Variants in WAPL observed in about 807,000 individuals in gnomAD.
WAPL encodes WAPL cohesin release factor.
In WAPL, 5 loss-of-function variants were observed where a neutral mutation model predicts 121.0. That is an observed-to-expected ratio of 0.04 (90% CI 0.02 to 0.09). The LOEUF is 0.09. Ranked by LOEUF, WAPL falls within the 10% of genes least tolerant of loss-of-function variation. The pLI, the probability that WAPL is intolerant of heterozygous loss-of-function variation, is 1.00. For missense variants in WAPL, 999 were observed against 1,410.8 expected, an observed-to-expected ratio of 0.71 and a Z score of 4.68; for synonymous variants, 480 against 481.5, an observed-to-expected ratio of 1.00 and a Z score of 0.04.
At chr10:86,483,117 C>T (rs531767146) in intron 4 of WAPL, among the ~76,000 whole-genome samples, 2 of 152,208 alleles carry the variant, frequency 1.3e-5, no homozygotes, top group East Asian at 3.9e-4. Flanking sequence ...GCTGCCAGTC[C>T]TATAAGGGTA....
chr10:86,517,449 A>G (rs1842577913), intron 2 of WAPL, 122 bp downstream of exon 2: 3 of 1,337,898 alleles, frequency 2.2e-6, no homozygotes, highest in African/African-American at 2.9e-5. Flanking sequence ...AAAACTATCA[A>G]TGGTCCCCAT....
At chr10:86,508,629 T>C (rs1056095522) in intron 2 of WAPL, among the ~76,000 whole-genome samples, 1 of 152,214 alleles carries the variant, frequency 6.6e-6, no homozygotes, top group African/African-American at 2.4e-5. Context: ...CAATACTTTC[T>C]GAAATACTTT....
intron 2 of WAPL, among the ~76,000 whole-genome samples, chr10:86,511,925 A>C (rs1267940189): frequency 6.6e-6 from 1 of 152,152 alleles, no homozygotes; most frequent in East Asian, 1.9e-4. Context: ...TCTCCAAAAA[A>C]TAAAAATAAA....
chr10:86,452,206 T>C, intron 14 of WAPL, 75 bp from the exon 15 acceptor site: 3 of 1,407,222 alleles, frequency 2.1e-6, no homozygotes, highest in Non-Finnish European at 2.9e-6. Context: ...ACACAATTTT[T>C]AATGGCAACT....
intron 17 of WAPL, among the ~76,000 whole-genome samples, chr10:86,442,665 T>TA (rs1849498171): frequency 1.3e-5 from 2 of 152,270 alleles, no homozygotes; most frequent in South Asian, 4.1e-4. Flanking sequence ...GATTAGCATG[T>TA]AAAAAATGCT....
At chr10:86,517,461 T>C in intron 2 of WAPL, 110 bp downstream of exon 2, 1 of 1,386,372 alleles carries the variant, frequency 7.2e-7, no homozygotes, top group Non-Finnish European at 9.5e-7. Context: ...GGTCCCCATG[T>C]ATCATAAGTG....
chr10:86,469,116 A>G (rs1489687234), intron 8 of WAPL, among the ~76,000 whole-genome samples: 1 of 151,830 alleles, frequency 6.6e-6, no homozygotes, highest in Non-Finnish European at 1.5e-5. Context: ...TAAATAAAAT[A>G]AAATAAAATA....
intron 16 of WAPL, chr10:86,443,717 A>C (rs1418065518): frequency 1.0e-5 from 2 of 193,570 alleles, no homozygotes; most frequent in South Asian, 1.1e-4. Flanking sequence ...CAACAAAAAC[A>C]ACCCAATTAA....
intron 17 of WAPL, among the ~76,000 whole-genome samples, chr10:86,442,083 G>C (rs1173855204): frequency 6.6e-6 from 1 of 152,168 alleles, no homozygotes; most frequent in African/African-American, 2.4e-5. Context: ...CTGAAGTGCA[G>C]TGGCACGATC....
At chr10:86,459,115 A>G (rs1841214230) in intron 11 of WAPL, 50 bp from the exon 12 acceptor site, 2 of 1,450,558 alleles carry the variant, frequency 1.4e-6, no homozygotes, top group African/African-American at 2.8e-5. Context: ...ACTTTCATTC[A>G]TTCATGTAAC....
chr10:86,472,048 AT>A lies in WAPL; in HGVS notation c.2030+159del, dbSNP rs760013773. ...TTTCCCTCTTATCATGCAGAATCAA[AT>A]TCTTTATAAAGAAATGGATAGCATT... On this transcript the variant is annotated intron_variant, in intron 7 of 18. Coordinates refer to ENST00000298767, the MANE Select transcript of WAPL (RefSeq NM_015045.5). This position sits in a 1 kb window ranked among gnomAD's most constrained non-coding sequence, Gnocchi z 4.2. Among the ~76,000 whole-genome samples, 1 of 152,098 alleles carries A rather than the reference AT, an allele frequency of 6.6e-6. No homozygotes were observed. The highest frequency in any genetic ancestry group is 1.5e-5 in the Non-Finnish European group (1 of 68,018).
At chr10:86,461,769 TACA>T (rs1005998320) in intron 9 of WAPL, among the ~76,000 whole-genome samples, 27 of 152,250 alleles carry the variant, frequency 1.8e-4, no homozygotes, top group East Asian at 5.8e-4. Context: ...TTTGTATTTT[TACA>T]ACGACAGTAA....
rs566781313 is a variant in WAPL, at chr10:86,486,099, A to C, written c.1644+11102T>G. Among the ~76,000 whole-genome samples, 11 of 152,316 alleles carry C rather than the reference A, an allele frequency of 7.2e-5. No homozygotes were observed. In the South Asian group the frequency reaches 2.1e-3, roughly 29 times the overall value. ...ACAGTCATTCTTTTTTTCAGGCTTC[A>C]TATCAATTAATATATCAGGTTTCTA... On this transcript the variant is annotated intron_variant, in intron 4 of 18. Transcript: ENST00000298767.
Position 86,436,450 on chromosome 10 carries a change from T to A in WAPL, c.*1093A>T, listed in dbSNP as rs1311250548. 2.0e-5 allele frequency: 3 copies of A among 152,446 alleles called. No homozygotes were observed. Among genetic ancestry groups the A allele is most frequent in the African/African-American group, 7.2e-5 (3 of 41,384 alleles). The allele number at this position is 152,446 out of a possible 1,614,324, so 9.4% of individuals were successfully genotyped here. Reference sequence around the variant, plus strand: ...AAGAAAAATTTGCAATGTTATGATATTAAATCTATAAAATGTTTTGTGTTC... The same window carrying A: ...AAGAAAAATTTGCAATGTTATGATAATAAATCTATAAAATGTTTTGTGTTC... On this transcript the variant is annotated 3_prime_UTR_variant, in exon 19 of 19. Transcript: ENST00000298767.
chr10:86,477,098 T>G (rs924802481), intron 4 of WAPL, among the ~76,000 whole-genome samples: 1 of 152,136 alleles, frequency 6.6e-6, no homozygotes, highest in Non-Finnish European at 1.5e-5. Context: ...TAATATAGGG[T>G]TTATTATGGG....
chr10:86,500,059 G>T lies in WAPL; in HGVS notation c.1184C>A (p.Ala395Asp), dbSNP rs756384342. ...ATCTGCCTTTTTTCTGAGACGACCA[G>T]CTTCTCCCAAATCTGCAGGAGTGGA... ...TASTPADLGE[A>D]GRLRKKADIA... The change falls in exon 3 of 19, where the codon GCT becomes GAT. Residue 395 changes from alanine (A) to aspartate (D), a missense_variant. By Grantham distance (126) the Ala-to-Asp change is moderately radical. This residue lies in a region of WAPL where 531 missense variants were observed against 563.1 expected (regional missense o/e 0.94). Coordinates refer to ENST00000298767, the MANE Select transcript of WAPL (RefSeq NM_015045.5). 1 of 1,614,144 alleles carries T rather than the reference G, an allele frequency of 6.2e-7. No homozygotes were observed. Among genetic ancestry groups the T allele is most frequent in the Admixed American group, 1.7e-5 (1 of 60,010 alleles).
chr10:86,512,978 T>C (rs1842493836), intron 2 of WAPL, among the ~76,000 whole-genome samples: 1 of 152,154 alleles, frequency 6.6e-6, no homozygotes, highest in African/African-American at 2.4e-5. Flanking sequence ...TTTGTAATCT[T>C]GTTTCTGGTT....
At chr10:86,497,950 T>C (rs1035111059) in intron 3 of WAPL, among the ~76,000 whole-genome samples, 1 of 152,178 alleles carries the variant, frequency 6.6e-6, no homozygotes, top group South Asian at 2.1e-4. Context: ...CGAAACAAAA[T>C]AGGAAACATA....
At chr10:86,460,368 TA>T in intron 11 of WAPL, 30 bp downstream of exon 11, 1 of 1,571,588 alleles carries the variant, frequency 6.4e-7, no homozygotes, top group South Asian at 1.1e-5. Context: ...TAAGACTGAA[TA>T]ATTTTTGCCA....
Sources: gnomAD v4.1 joint callset for allele counts (sites outside exome capture counted in the v4.1 genomes callset) on GRCh38, gnomAD v4.1.1 for gene constraint, gnomAD v4.1.1 regional missense constraint, Gnocchi (gnomAD v3.1) non-coding constraint, MANE v1.5 for transcripts, NCBI Gene and HGNC (gene_info 2026-07-23, HGNC 2026-07-21) for gene names.